Variants in ATP13A5 observed in about 807,000 individuals in gnomAD.
ATP13A5 encodes ATPase 13A5.
In ATP13A5, 149 loss-of-function variants were observed where a neutral mutation model predicts 150.2. The ratio of observed to expected loss-of-function variants is 0.99; its 90% confidence interval spans 0.87 to 1.14. ATP13A5 has a LOEUF of 1.14. Among genes scored for constraint, ATP13A5 ranks in the 50% most tolerant of loss-of-function variants. The pLI is 0.00. For synonymous variants in ATP13A5, 497 were observed against 522.2 expected, an observed-to-expected ratio of 0.95 and a Z score of 0.66; for missense variants, 1,383 against 1,449.3, an observed-to-expected ratio of 0.95 and a Z score of 0.74.
At chr3:193,374,931 T>A (rs1305964918) in intron 1 of ATP13A5, among the ~76,000 whole-genome samples, 2 of 152,138 alleles carry the variant, frequency 1.3e-5, no homozygotes, top group African/African-American at 4.8e-5. Context: ...TCTCTTGCCC[T>A]TTTACCTTCC....
chr3:193,276,612 A>G, intron 29 of ATP13A5, 138 bp downstream of exon 29: 1 of 637,864 alleles, frequency 1.6e-6, no homozygotes, highest in South Asian at 2.2e-5. Context: ...CCTCCAAAAG[A>G]ATATGTACCA....
intron 2 of ATP13A5, 79 bp downstream of exon 2, chr3:193,364,028 C>T (rs1713142377): frequency 7.1e-7 from 1 of 1,412,574 alleles, no homozygotes; most frequent in Non-Finnish European, 9.7e-7. Flanking sequence ...AATATAATAC[C>T]AGCCACAGAG....
Position 193,378,534 on chromosome 3 carries a change from A to G in ATP13A5, c.63+129T>C, listed in dbSNP as rs946048099. Reference sequence around the variant, plus strand: ...TTTGCAGCCCTTAAGGAACCTTACCAGACTGAAACCTTTCAAGGTCCTAAA... The same window carrying G: ...TTTGCAGCCCTTAAGGAACCTTACCGGACTGAAACCTTTCAAGGTCCTAAA... On this transcript the variant is annotated intron_variant, in intron 1 of 29. Coordinates refer to ENST00000342358, the MANE Select transcript of ATP13A5 (RefSeq NM_198505.4). 74 of 821,914 alleles carry G rather than the reference A, an allele frequency of 9.0e-5. No homozygotes were observed. The African/African-American group carries it at 1.1e-3, about 13-fold the overall frequency. 50.9% of individuals were successfully genotyped at this position (821,914 alleles called of 1,614,324 possible).
At chr3:193,280,447 C>T (rs1429493061) in intron 27 of ATP13A5, among the ~76,000 whole-genome samples, 1 of 152,178 alleles carries the variant, frequency 6.6e-6, no homozygotes, top group African/African-American at 2.4e-5. Flanking sequence ...TCATATTCTG[C>T]TTTGCATGAT....
chr3:193,327,591 A>C (rs572938629), intron 12 of ATP13A5, among the ~76,000 whole-genome samples: 20 of 152,344 alleles, frequency 1.3e-4, no homozygotes, highest in African/African-American at 4.3e-4. Context: ...AAATGCTAAT[A>C]ATAAATATTA....
At chr3:193,302,821 T>A (rs190780490) in intron 23 of ATP13A5, among the ~76,000 whole-genome samples, 278 of 152,318 alleles carry the variant, frequency 1.8e-3, no homozygotes, top group Middle Eastern at 3.4e-3. Context: ...GGAATAAGTA[T>A]GCATCAAGGA....
chr3:193,299,298 T>C lies in ATP13A5; in HGVS notation c.2776-95A>G, dbSNP rs563798458. On this transcript the variant is annotated intron_variant, in intron 24 of 29. Transcript: ENST00000342358. Reference sequence around the variant, plus strand: ...TCTTTTTAAGTCGTTAGGAGGCAGCTGTTACTTTTTTTTCCCTCTTCAGGA... The same window carrying C: ...TCTTTTTAAGTCGTTAGGAGGCAGCCGTTACTTTTTTTTCCCTCTTCAGGA... 1.4e-4 allele frequency: 129 copies of C among 915,670 alleles called. 1 individual carries two copies. The Middle Eastern group carries it at 1.6e-3, about 11-fold the overall frequency. 56.7% of individuals were successfully genotyped at this position (915,670 alleles called of 1,614,324 possible).
chr3:193,326,624 G>T (rs1366637320), intron 13 of ATP13A5, among the ~76,000 whole-genome samples: 1 of 152,126 alleles, frequency 6.6e-6, no homozygotes, highest in Admixed American at 6.5e-5. Context: ...TCAAAGGTGG[G>T]TGTATTTGCA....
chr3:193,337,137 G>C (rs1173125283), intron 9 of ATP13A5, among the ~76,000 whole-genome samples: 3 of 151,998 alleles, frequency 2.0e-5, no homozygotes, highest in Non-Finnish European at 4.4e-5. Context: ...CTGGATATTA[G>C]CCCTTTGTCA....
intron 22 of ATP13A5, among the ~76,000 whole-genome samples, 153 bp from the exon 23 acceptor site, chr3:193,305,821 C>T (rs148599238): frequency 2.2e-4 from 33 of 152,198 alleles, no homozygotes; most frequent in Admixed American, 1.3e-3. Flanking sequence ...ACCTGGAGTG[C>T]CCTCTCTCCC....
intron 6 of ATP13A5, 101 bp downstream of exon 6, chr3:193,354,026 G>C (rs1712678641): frequency 3.3e-6 from 3 of 914,286 alleles, no homozygotes; most frequent in Admixed American, 2.8e-5. Context: ...CATGAAACAA[G>C]ATATCATTCA....
chr3:193,335,167 G>A, intron 9 of ATP13A5, 68 bp from the exon 10 acceptor site: 1 of 1,468,642 alleles, frequency 6.8e-7, no homozygotes, highest in East Asian at 2.3e-5. Flanking sequence ...GTGCATGCCA[G>A]TTTCAAGAAA....
chr3:193,305,691 C>T (rs758716721), intron 22 of ATP13A5, 23 bp from the exon 23 acceptor site: 1 of 1,605,386 alleles, frequency 6.2e-7, no homozygotes, highest in South Asian at 1.1e-5. Context: ...GCCCATGTCT[C>T]ACCCATGACT....
chr3:193,378,624 GCT>G (rs943079082), intron 1 of ATP13A5, 37 bp downstream of exon 1: 1 of 1,562,664 alleles, frequency 6.4e-7, no homozygotes, highest in Non-Finnish European at 8.8e-7. Context: ...ACCGCCTTGG[GCT>G]CTTTGAGAAG....
At chr3:193,289,771 G>A (rs12152269) in intron 26 of ATP13A5, 114 bp downstream of exon 26, 362,514 of 1,007,846 alleles carry the variant, frequency 0.36, 69,794 homozygotes, top group African/African-American at 0.63. Flanking sequence ...GTTTTGCAGC[G>A]ACACAATTTG....
rs147876266 is a variant in ATP13A5 at position 193,351,482 on chromosome 3, A to G, written c.607-281T>C. 4.0e-4 allele frequency among the ~76,000 whole-genome samples: 61 copies of G among 152,278 alleles called. No individual in the cohort carries two copies. The East Asian group carries it at 0.011, about 28-fold the overall frequency. On this transcript the variant is annotated intron_variant, in intron 6 of 29. Coordinates refer to ENST00000342358, the MANE Select transcript of ATP13A5 (RefSeq NM_198505.4). Reference sequence around the variant, plus strand: ...TTCAAAAATATTTTACCAATAACAAAATTTAACAATTCACCTTCTTAAACA... The same window carrying G: ...TTCAAAAATATTTTACCAATAACAAGATTTAACAATTCACCTTCTTAAACA...
At chr3:193,298,047 T>C (rs530338912) in intron 25 of ATP13A5, among the ~76,000 whole-genome samples, 72 of 152,196 alleles carry the variant, frequency 4.7e-4, no homozygotes, top group Non-Finnish European at 9.3e-4. Context: ...GATGCACACT[T>C]CACCAGCATC....
intron 1 of ATP13A5, among the ~76,000 whole-genome samples, chr3:193,365,374 C>G (rs1713202446): frequency 6.6e-6 from 1 of 152,016 alleles, no homozygotes; most frequent in Non-Finnish European, 1.5e-5. Context: ...CTATCATCCA[C>G]CTGAGAAAAA....
At chr3:193,340,021 C>A (rs2108881564) in intron 9 of ATP13A5, among the ~76,000 whole-genome samples, 1 of 152,230 alleles carries the variant, frequency 6.6e-6, no homozygotes, top group Non-Finnish European at 1.5e-5. Flanking sequence ...TAATAAGAAG[C>A]CTCATGTTTT....
Sources: allele counts gnomAD v4.1 joint callset (sites outside exome capture counted in the v4.1 genomes callset), GRCh38; gene constraint gnomAD v4.1.1; transcripts MANE v1.5; gene names NCBI Gene and HGNC (gene_info 2026-07-23, HGNC 2026-07-21).